Variants in FASTKD3 observed in about 807,000 individuals in gnomAD.
FASTKD3 encodes FAST kinase domain-containing protein 3, mitochondrial.
A neutral mutation model predicts 49.7 loss-of-function variants in FASTKD3; 47 were observed. The ratio of observed to expected loss-of-function variants is 0.95; its 90% confidence interval spans 0.75 to 1.21. The LOEUF (loss-of-function observed/expected upper bound fraction) is 1.21, where lower values mean the gene tolerates loss of function less well. FASTKD3 is among the 50% of genes most tolerant of loss of function. FASTKD3 has a pLI of 0.00. For missense variants in FASTKD3, 748 were observed against 765.7 expected, an observed-to-expected ratio of 0.98 and a Z score of 0.27; for synonymous variants, 284 against 288.6, an observed-to-expected ratio of 0.98 and a Z score of 0.16.
At chr5:7,865,353 G>A (rs1281200097) in intron 3 of FASTKD3, among the ~76,000 whole-genome samples, 2 of 152,102 alleles carry the variant, frequency 1.3e-5, no homozygotes, top group South Asian at 2.1e-4. Context: ...GTAGAGAGAA[G>A]CAGAGAGAGA....
At chr5:7,862,674 G>A (rs887830327) in intron 4 of FASTKD3, 149 bp downstream of exon 4, 1 of 672,886 alleles carries the variant, frequency 1.5e-6, no homozygotes, top group Non-Finnish European at 2.6e-6. Flanking sequence ...TGACTCAACG[G>A]CTCTGCTGCT....
Position 7,868,022 on chromosome 5 carries a change from G to T in FASTKD3, c.62C>A (p.Ala21Asp). ...YRLSDFQMHR[A>D]LAALKNKPLN... ...AGGTTTATTTTTTAAAGCAGCCAGA[G>T]CTCTATGCATCTGAAAATCAGATAA... Residue 21 changes from alanine to aspartate, a missense_variant, in exon 2 of 7, where the codon GCT becomes GAT. This residue lies in a region of FASTKD3 where 564 missense variants were observed against 562.8 expected (regional missense o/e 1.00). Transcript: ENST00000264669. 6.2e-7 allele frequency: 1 copy of T among 1,613,726 alleles called. No homozygotes were observed. Among genetic ancestry groups the T allele is most frequent in the East Asian group, 2.2e-5 (1 of 44,886 alleles).
intron 4 of FASTKD3, chr5:7,861,927 G>T: frequency 3.0e-6 from 1 of 336,982 alleles, no homozygotes; most frequent in Non-Finnish European, 5.0e-6. Flanking sequence ...AACCATGCAT[G>T]CTTTCTCTTT....
In FASTKD3 at chr5:7,859,377, A is replaced by C; in HGVS notation, c.*58T>G. The C allele has an allele frequency of 9.5e-7, 1 of 1,055,862 alleles. No homozygotes were observed. The highest frequency in any genetic ancestry group is 1.4e-6 in the Non-Finnish European group (1 of 713,948). The allele number at this position is 1,055,862 out of a possible 1,614,324, so 65.4% of individuals were successfully genotyped here. A position where few individuals can be genotyped will look rare whatever the true frequency, so the allele number is the denominator to read the frequency against. ...CTAATTCACATTATATTTTTCTTTT[A>C]ATACTGAGTTCCATAAAAATGCAAG... On this transcript the variant is annotated 3_prime_UTR_variant, in exon 7 of 7. Coordinates refer to ENST00000264669, the MANE Select transcript of FASTKD3 (RefSeq NM_024091.4).
intron 4 of FASTKD3, 183 bp from the exon 5 acceptor site, chr5:7,861,835 C>A: frequency 3.2e-6 from 4 of 1,261,988 alleles, no homozygotes; most frequent in Middle Eastern, 2.0e-4. Flanking sequence ...GCTTTATGAT[C>A]AATCAAGTCA....
intron 4 of FASTKD3, 50 bp downstream of exon 4, chr5:7,862,773 T>G (rs374364842): frequency 1.4e-5 from 21 of 1,490,132 alleles, no homozygotes; most frequent in Non-Finnish European, 1.9e-5. Context: ...ATCTCCAAAA[T>G]CGAACAGGAT....
chr5:7,865,859 C>A (rs1002082729), intron 3 of FASTKD3, 39 bp downstream of exon 3: 1 of 1,463,352 alleles, frequency 6.8e-7, no homozygotes, highest in Non-Finnish European at 9.6e-7. Context: ...GAAACTGCAC[C>A]CATGGGGAAA....
At chr5:7,868,608 C>G (rs1747247318) in intron 1 of FASTKD3, among the ~76,000 whole-genome samples, 3 of 152,124 alleles carry the variant, frequency 2.0e-5, no homozygotes, top group African/African-American at 7.2e-5. Flanking sequence ...AGGCCCTAAG[C>G]TGTTGGTTTC....
At chr5:7,864,781 C>T (rs1255152696) in intron 3 of FASTKD3, among the ~76,000 whole-genome samples, 1 of 151,600 alleles carries the variant, frequency 6.6e-6, no homozygotes, top group Non-Finnish European at 1.5e-5. Context: ...TCATTCATTG[C>T]TGGGGAAATG....
At position 7,867,559 on chromosome 5, in the gene FASTKD3, G is replaced by T. The variant is rs1332019489; in HGVS notation, c.525C>A (p.Asn175Lys). The T allele has an allele frequency of 6.2e-7, 1 of 1,614,254 alleles. No individual in the cohort carries two copies. Among genetic ancestry groups the T allele is most frequent in the South Asian group, 1.1e-5 (1 of 91,082 alleles). ...CTTGCAAAGCAGTCACTAAACTAGT[G>T]TTTGACAGCTGTGAGGGCTCCTTTT... ...QFEKEPSQLS[N>K]TSLVTALQAL... Residue 175 changes from asparagine to lysine, a missense_variant, in exon 2 of 7, where the codon AAC becomes AAA. Coordinates refer to ENST00000264669, the MANE Select transcript of FASTKD3 (RefSeq NM_024091.4).
rs1364025492 is a variant in FASTKD3, at chr5:7,859,488, A to G, written c.1936T>C (p.Tyr646His). The change falls in exon 7 of 7, where the codon TAT becomes CAT. Residue 646 changes from tyrosine (Y) to histidine (H), a missense_variant. Tyr to His is a moderately conservative substitution (Grantham distance 83). This residue lies in a region of FASTKD3 where 178 missense variants were observed against 182.2 expected (regional missense o/e 0.98). Transcript: ENST00000264669. ...MLKSRRELVE[Y>H]LQRKLFSQNT... Reference sequence around the variant, plus strand: ...TGAGAAAACAGTTTTCTTTGTAAATATTCCACCAATTCACGTCTTGATTTT... The same window carrying G: ...TGAGAAAACAGTTTTCTTTGTAAATGTTCCACCAATTCACGTCTTGATTTT... The G allele has an allele frequency of 1.2e-6, 2 of 1,607,252 alleles. No homozygotes were observed. The highest frequency in any genetic ancestry group is 1.7e-6 in the Non-Finnish European group (2 of 1,176,846).
chr5:7,861,710 CTGTATT>C, intron 4 of FASTKD3, 58 bp from the exon 5 acceptor site: 1 of 1,569,670 alleles, frequency 6.4e-7, no homozygotes. Flanking sequence ...CACTATCTTC[CTGTATT>C]CATTCCTTTG....
intron 5 of FASTKD3, 46 bp downstream of exon 5, chr5:7,861,537 G>T: frequency 3.0e-6 from 4 of 1,345,348 alleles, no homozygotes; most frequent in Admixed American, 2.5e-5. Context: ...CTGCTTATTA[G>T]CCTCAACGAG....
In FASTKD3 at chr5:7,866,732, A is replaced by C. The variant is rs771507171; in HGVS notation, c.1352T>G (p.Leu451Arg). The C allele has an allele frequency of 4.3e-6, 7 of 1,613,772 alleles. No individual in the cohort carries two copies. The highest frequency in any genetic ancestry group is 1.1e-5 in the South Asian group (1 of 90,888). ...NYFPPKSLLK[L>R]LHSCSLNECH... ...TTCATTAAGTGAACATGAATGAAGA[A>C]GTTTCAATAATGATTTGGGTGGAAA... is the stretch of plus-strand genomic sequence containing the variant. The change falls in exon 2 of 7, where the codon CTT becomes CGT. Residue 451 changes from leucine (L) to arginine (R), a missense_variant. This residue lies in a region of FASTKD3 where 564 missense variants were observed against 562.8 expected (regional missense o/e 1.00). Transcript: ENST00000264669.
Position 7,867,888 on chromosome 5 carries a change from G to T in FASTKD3, c.196C>A (p.His66Asn). The T allele has an allele frequency of 6.2e-7, 1 of 1,614,104 alleles. No homozygotes were observed. Among genetic ancestry groups the T allele is most frequent in the Non-Finnish European group, 8.5e-7 (1 of 1,180,016 alleles). Residue 66 changes from histidine (H) to asparagine (N), a missense_variant, in exon 2 of 7, where the codon CAT (histidine) becomes AAT (asparagine). By Grantham distance (68) the His-to-Asn change is moderately conservative. Coordinates refer to ENST00000264669, the MANE Select transcript of FASTKD3 (RefSeq NM_024091.4). Reference sequence around the variant, plus strand: ...TGAAGGTCATTTCCATTTTTCGAATGAAACTTTTTACAATGGGCATGATGG... The same window carrying T: ...TGAAGGTCATTTCCATTTTTCGAATTAAACTTTTTACAATGGGCATGATGG... The part of the protein sequence containing the change: ...KFHHAHCKKF[H>N]SKNGNDLHPL...
intron 4 of FASTKD3, among the ~76,000 whole-genome samples, chr5:7,862,505 C>G (rs535516463): frequency 6.6e-6 from 1 of 152,154 alleles, no homozygotes; most frequent in Non-Finnish European, 1.5e-5. Flanking sequence ...GCATTTCCTA[C>G]GTTCCAGGTA....
intron 6 of FASTKD3, among the ~76,000 whole-genome samples, chr5:7,860,142 C>T (rs776999610): frequency 4.6e-5 from 7 of 152,040 alleles, no homozygotes; most frequent in Admixed American, 6.6e-5. Context: ...ATTCTGTAAG[C>T]AGTAAAGAAA....
In FASTKD3 at chr5:7,862,963, G is replaced by T; in HGVS notation, c.1559C>A (p.Ser520Ter). 1 of 1,613,884 alleles carries T rather than the reference G, an allele frequency of 6.2e-7. No individual in the cohort carries two copies. Among genetic ancestry groups the T allele is most frequent in the Non-Finnish European group, 8.5e-7 (1 of 1,179,910 alleles). Residue 520 changes from serine to a stop codon, truncating the protein, a stop_gained, in exon 4 of 7, where the codon TCA becomes TAA. Transcript: ENST00000264669. LOFTEE classifies it high-confidence loss of function. ...PKLLPKYQVK[S>*]FLTPCCSLET... ...CAGGGAACAGCATGGGGTAAGAAAT[G>T]ACTTCACTTGATATTTAGGAAGGAG...
chr5:7,863,907 A>G (rs548004813), intron 3 of FASTKD3, among the ~76,000 whole-genome samples: 60 of 152,198 alleles, frequency 3.9e-4, no homozygotes, highest in African/African-American at 1.3e-3. Flanking sequence ...CTGGAGTACA[A>G]TGACGCGACC....
Sources: gnomAD v4.1 joint callset for allele counts (sites outside exome capture counted in the v4.1 genomes callset) on GRCh38, gnomAD v4.1.1 for gene constraint, gnomAD v4.1.1 regional missense constraint, MANE v1.5 for transcripts, NCBI Gene and HGNC (gene_info 2026-07-23, HGNC 2026-07-21) for gene names.